Variants in MDGA2 observed in about 807,000 individuals in gnomAD.
The protein encoded by MDGA2 is MAM domain-containing glycosylphosphatidylinositol anchor protein 2.
MDGA2 carries 40 observed loss-of-function variants against 117.8 expected under a neutral mutation model. The observed-to-expected ratio is 0.34, with a 90% CI of 0.26 to 0.44. The LOEUF (loss-of-function observed/expected upper bound fraction) is 0.44, where lower values mean the gene tolerates loss of function less well. Ranked by LOEUF, MDGA2 falls within the 20% of genes least tolerant of loss-of-function variation. MDGA2 has a pLI of 1.00. For synonymous variants in MDGA2, 452 were observed against 439.0 expected, an observed-to-expected ratio of 1.03 and a Z score of -0.37; for missense variants, 1,123 against 1,250.6, an observed-to-expected ratio of 0.90 and a Z score of 1.54.
At chr14:47,648,774 C>A (rs761653763) in intron 1 of MDGA2, among the ~76,000 whole-genome samples, 26 of 152,034 alleles carry the variant, frequency 1.7e-4, no homozygotes, top group Non-Finnish European at 3.7e-4. Context: ...TTGAAGTGTT[C>A]TTAAAATAAA....
intron 6 of MDGA2, among the ~76,000 whole-genome samples, chr14:47,092,384 A>G (rs1350814495): frequency 2.6e-5 from 4 of 152,154 alleles, no homozygotes; most frequent in Non-Finnish European, 4.4e-5. Context: ...TAAGTGCAAA[A>G]CAGACCTCTT....
intron 1 of MDGA2, among the ~76,000 whole-genome samples, chr14:47,507,238 G>C (rs1317089351): frequency 1.3e-5 from 2 of 152,098 alleles, no homozygotes. Flanking sequence ...TAGGAACCTA[G>C]GAGATAATGG....
At position 47,545,753 on chromosome 14, in the gene MDGA2, A is replaced by T. The variant is rs748125439; in HGVS notation, c.280+128764T>A. Among the ~76,000 whole-genome samples, 3 of 152,312 alleles carry T rather than the reference A, an allele frequency of 2.0e-5. No individual in the cohort carries two copies. The East Asian group carries it at 5.8e-4, about 29-fold the overall frequency. ...TATTTAATAATGATAATAAGAAAAA[A>T]AAACAGCAGCAGTCTCATGTACAGT... On this transcript the variant is annotated intron_variant, in intron 1 of 16. Transcript: ENST00000399232.
chr14:47,365,085 C>G (rs1030967305), intron 1 of MDGA2, among the ~76,000 whole-genome samples: 2 of 152,064 alleles, frequency 1.3e-5, no homozygotes, highest in African/African-American at 4.8e-5. Flanking sequence ...TTTTCTACAC[C>G]CTTCAATGGG....
Position 47,200,590 on chromosome 14 carries a change from G to C in MDGA2, c.595+17431C>G. 3.6e-6 allele frequency: 4 copies of C among 1,114,244 alleles called. No homozygotes were observed. In the South Asian group the frequency reaches 4.0e-5, roughly 11 times the overall value. The allele number at this position is 1,114,244 out of a possible 1,614,324, so 69.0% of individuals were successfully genotyped here. On this transcript the variant is annotated intron_variant, in intron 3 of 16. Transcript: ENST00000399232. ...TTTATTGGGCTCAGACCAGGAGTCC[G>C]TGAGTCTTGAAGACCTCTGTATATT...
chr14:47,236,799 T>C (rs996548279), intron 2 of MDGA2, among the ~76,000 whole-genome samples: 5 of 152,184 alleles, frequency 3.3e-5, no homozygotes, highest in East Asian at 1.9e-4. Flanking sequence ...TTTGGAAAAG[T>C]TTATTTTCAA....
At chr14:47,313,594 A>T (rs1169467827) in intron 1 of MDGA2, among the ~76,000 whole-genome samples, 1 of 152,054 alleles carries the variant, frequency 6.6e-6, no homozygotes, top group Non-Finnish European at 1.5e-5. Context: ...ACCATGCCCA[A>T]CTCAAAATGT....
At chr14:47,641,831 ATTAAT>A (rs916759368) in intron 1 of MDGA2, among the ~76,000 whole-genome samples, 1 of 152,150 alleles carries the variant, frequency 6.6e-6, no homozygotes, top group Non-Finnish European at 1.5e-5. Flanking sequence ...TCAGAAGTGT[ATTAAT>A]TTATTTAGCA....
chr14:47,349,745 G>C (rs916827632), intron 1 of MDGA2, among the ~76,000 whole-genome samples: 4 of 152,168 alleles, frequency 2.6e-5, no homozygotes, highest in Non-Finnish European at 5.9e-5. Flanking sequence ...ATCGATACTA[G>C]AGTCAGTCCT....
At chr14:47,119,526 A>T (rs1361143674) in intron 5 of MDGA2, among the ~76,000 whole-genome samples, 1 of 152,204 alleles carries the variant, frequency 6.6e-6, no homozygotes, top group Non-Finnish European at 1.5e-5. Context: ...GTCTTTGTAC[A>T]GTTCACAGTA....
At chr14:47,538,871 T>C (rs980136539) in intron 1 of MDGA2, among the ~76,000 whole-genome samples, 10 of 152,152 alleles carry the variant, frequency 6.6e-5, no homozygotes, top group African/African-American at 2.2e-4. Flanking sequence ...CCCATATATA[T>C]TATATAAATC....
At chr14:47,072,972 T>G (rs898613273) in intron 6 of MDGA2, among the ~76,000 whole-genome samples, 1 of 152,034 alleles carries the variant, frequency 6.6e-6, no homozygotes, top group Non-Finnish European at 1.5e-5. Context: ...AACAAAAGAG[T>G]CTAACCTGAT....
chr14:47,025,734 G>C (rs1357369825), intron 8 of MDGA2, among the ~76,000 whole-genome samples: 2 of 151,290 alleles, frequency 1.3e-5, no homozygotes, highest in African/African-American at 4.9e-5. Flanking sequence ...ATTATATTTT[G>C]GGCAAGAAAA....
At chr14:47,640,687 C>A (rs1279727563) in intron 1 of MDGA2, among the ~76,000 whole-genome samples, 1 of 152,152 alleles carries the variant, frequency 6.6e-6, no homozygotes, top group East Asian at 1.9e-4. Flanking sequence ...CACTTCTAGT[C>A]ATCCAAGTGT....
chr14:47,005,108 T>C lies in MDGA2; in HGVS notation c.1819+29903A>G, dbSNP rs140532651. Among the ~76,000 whole-genome samples, 1,065 of 151,732 alleles carry C rather than the reference T, an allele frequency of 7.0e-3. 7 individuals are homozygous for C. Among genetic ancestry groups the C allele is most frequent in the Non-Finnish European group, 0.01 (680 of 67,642 alleles). The stretch of plus-strand genomic sequence containing the variant: ...CGATTTATGTTTTTTCCTTGTCTTA[T>C]TGTAATAGCTAGAACCTCTAGTAGG... On this transcript the variant is annotated intron_variant, in intron 8 of 16. Coordinates refer to ENST00000399232, the MANE Select transcript of MDGA2 (RefSeq NM_001113498.3).
chr14:46,987,014 T>C (rs1886883642), intron 8 of MDGA2, among the ~76,000 whole-genome samples: 1 of 152,220 alleles, frequency 6.6e-6, no homozygotes. Context: ...ACCAGTTTTA[T>C]GTAGGTAGGC....
intron 10 of MDGA2, among the ~76,000 whole-genome samples, chr14:46,916,256 C>G (rs1319753375): frequency 2.0e-5 from 3 of 151,968 alleles, no homozygotes; most frequent in African/African-American, 4.8e-5. Context: ...CCCATTAGTC[C>G]CAGCATCCTC....
chr14:47,402,520 G>C (rs1427593764), intron 1 of MDGA2, among the ~76,000 whole-genome samples: 3 of 152,112 alleles, frequency 2.0e-5, no homozygotes, highest in African/African-American at 7.2e-5. Flanking sequence ...AAATGATACA[G>C]AAGTTCCATT....
intron 1 of MDGA2, among the ~76,000 whole-genome samples, chr14:47,434,620 A>G (rs1892862065): frequency 6.6e-6 from 1 of 150,928 alleles, no homozygotes; most frequent in South Asian, 2.1e-4. Flanking sequence ...ATGATAAGAT[A>G]CCCTAAGGAT....
Sources: allele counts gnomAD v4.1 joint callset (sites outside exome capture counted in the v4.1 genomes callset), GRCh38; gene constraint gnomAD v4.1.1; transcripts MANE v1.5; gene names NCBI Gene and HGNC (gene_info 2026-07-23, HGNC 2026-07-21).